The following ASTN2 variants were observed in gnomAD, a reference collection of about 807,000 sequenced individuals.
The protein encoded by ASTN2 is astrotactin 2.
A neutral mutation model predicts 139.8 loss-of-function variants in ASTN2; 54 were observed. The observed-to-expected ratio is 0.39, with a 90% CI of 0.31 to 0.48. The LOEUF (loss-of-function observed/expected upper bound fraction) is 0.48, where lower values mean the gene tolerates loss of function less well. ASTN2 is among the 20% of genes least tolerant of loss of function. ASTN2 has a pLI of 0.95. For synonymous variants in ASTN2, 756 were observed against 719.5 expected, an observed-to-expected ratio of 1.05 and a Z score of -0.81; for missense variants, 1,565 against 1,725.1, an observed-to-expected ratio of 0.91 and a Z score of 1.64.
intron 2 of ASTN2, among the ~76,000 whole-genome samples, chr9:117,224,440 T>A (rs1179530144): frequency 3.3e-5 from 5 of 151,886 alleles, no homozygotes; most frequent in Admixed American, 3.3e-4. Flanking sequence ...CTACTTCCCC[T>A]CCACTATACA....
chr9:117,350,309 G>A (rs1053821628), intron 1 of ASTN2, among the ~76,000 whole-genome samples: 2 of 152,128 alleles, frequency 1.3e-5, no homozygotes, highest in Admixed American at 6.5e-5. Flanking sequence ...AGCACTTTGG[G>A]AGGCCGAGGT....
chr9:116,443,502 A>G (rs1304542716), intron 20 of ASTN2, among the ~76,000 whole-genome samples: 1 of 152,162 alleles, frequency 6.6e-6, no homozygotes. Context: ...CTTAGAAGGA[A>G]AGAACAGGTA....
chr9:117,194,235 C>T (rs897775350), intron 3 of ASTN2, among the ~76,000 whole-genome samples: 1 of 152,110 alleles, frequency 6.6e-6, no homozygotes, highest in Non-Finnish European at 1.5e-5. Context: ...CAAACTGAAG[C>T]CCTTGAATTA....
In ASTN2 at chr9:117,144,050, A is replaced by G. The variant is rs142247572; in HGVS notation, c.1016-2572T>C. On this transcript the variant is annotated intron_variant, in intron 3 of 22. Transcript: ENST00000313400. ...TTAGCAGGTAATTAAGGTTAGATGA[A>G]GTCATAAGAGTGGGATCCCAATCTG... 4.3e-3 allele frequency among the ~76,000 whole-genome samples: 660 copies of G among 152,230 alleles called. 3 individuals are homozygous for G. The highest frequency in any genetic ancestry group is 0.015 in the African/African-American group (616 of 41,542).
chr9:116,708,784 G>A (rs1828062976), intron 16 of ASTN2, among the ~76,000 whole-genome samples: 1 of 152,296 alleles, frequency 6.6e-6, no homozygotes, highest in Middle Eastern at 3.4e-3. Context: ...TCTATTTTGA[G>A]TTCTGGAGAC....
At chr9:117,225,574 T>TATATATATATATATATACAC (rs371374987) in intron 2 of ASTN2, among the ~76,000 whole-genome samples, 8 of 77,978 alleles carry the variant, frequency 1.0e-4, no homozygotes, top group African/African-American at 1.7e-4. Context: ...TATATATATA[T>TATATATATATATATATACAC]ACAGATGAAC....
intron 19 of ASTN2, among the ~76,000 whole-genome samples, chr9:116,515,941 C>T (rs1183805649): frequency 2.6e-5 from 4 of 152,168 alleles, no homozygotes; most frequent in Non-Finnish European, 5.9e-5. Context: ...ACTAGAGTTA[C>T]TAATTCATTA....
At chr9:116,623,437 C>G (rs886698425) in intron 17 of ASTN2, among the ~76,000 whole-genome samples, 1 of 152,134 alleles carries the variant, frequency 6.6e-6, no homozygotes, top group African/African-American at 2.4e-5. Context: ...CAGCATCAAA[C>G]AGGGAGTCCT....
At chr9:117,217,313 T>C (rs1000779138) in intron 2 of ASTN2, among the ~76,000 whole-genome samples, 4 of 152,148 alleles carry the variant, frequency 2.6e-5, no homozygotes, top group Non-Finnish European at 4.4e-5. Flanking sequence ...GGGCATTTCA[T>C]TCAGTGAGAG....
chr9:116,718,961 T>C (rs1440429071), intron 16 of ASTN2, among the ~76,000 whole-genome samples: 2 of 125,100 alleles, frequency 1.6e-5, no homozygotes, highest in Non-Finnish European at 3.3e-5. Flanking sequence ...TACATATCTA[T>C]ACCTGTATCT....
At chr9:117,108,260 T>G (rs1370763011) in intron 4 of ASTN2, among the ~76,000 whole-genome samples, 1 of 152,158 alleles carries the variant, frequency 6.6e-6, no homozygotes, top group East Asian at 1.9e-4. Flanking sequence ...TTTAAGACAC[T>G]GACATTCATG....
At chr9:116,638,146 C>A (rs1261483421) in intron 17 of ASTN2, among the ~76,000 whole-genome samples, 3 of 151,820 alleles carry the variant, frequency 2.0e-5, no homozygotes, top group Non-Finnish European at 2.9e-5. Flanking sequence ...CTGTTGTGAT[C>A]AAAAAATAAA....
rs1827955031 is a variant in ASTN2, at chr9:116,704,987, T to C, written c.2806+20784A>G. 2.6e-5 allele frequency among the ~76,000 whole-genome samples: 4 copies of C among 152,212 alleles called. No individual in the cohort carries two copies. The South Asian group carries it at 6.2e-4, about 24-fold the overall frequency. ...CCTTAGAAACATGCATGTTTAGCTATTTCTTTAGATGGCTAGCTTCAAAGA... is the reference window on the plus strand; with the variant it reads ...CCTTAGAAACATGCATGTTTAGCTACTTCTTTAGATGGCTAGCTTCAAAGA... On this transcript the variant is annotated intron_variant, in intron 16 of 22. Coordinates refer to ENST00000313400, the MANE Select transcript of ASTN2 (RefSeq NM_001365068.1).
chr9:117,334,395 C>T (rs1330622728), intron 1 of ASTN2, among the ~76,000 whole-genome samples: 3 of 152,052 alleles, frequency 2.0e-5, no homozygotes, highest in African/African-American at 7.2e-5. Context: ...ACATCAGCCA[C>T]ACCTTGAGAC....
intron 20 of ASTN2, among the ~76,000 whole-genome samples, chr9:116,474,441 G>A (rs947606108): frequency 1.3e-5 from 2 of 152,198 alleles, no homozygotes; most frequent in Non-Finnish European, 2.9e-5. Flanking sequence ...TTGGAGGAAA[G>A]GAGAACAGAG....
chr9:117,283,425 GA>G (rs141288093), intron 2 of ASTN2, among the ~76,000 whole-genome samples: 2 of 150,918 alleles, frequency 1.3e-5, no homozygotes, highest in East Asian at 3.9e-4. Context: ...CTACTTTCTG[GA>G]AAAAAAAACG....
At chr9:116,686,631 C>T in intron 16 of ASTN2, 1 of 1,473,380 alleles carries the variant, frequency 6.8e-7, no homozygotes, top group Non-Finnish European at 9.3e-7. Context: ...CAGATCACCT[C>T]CCACCTGGTA....
Position 117,324,824 on chromosome 9 carries a change from G to A in ASTN2, c.443-33311C>T, listed in dbSNP as rs1587948301. Reference sequence around the variant, plus strand: ...CTGGAATTTCTCCTGATATCCATGGGTAGCCACTGCAGAGATTTAAACAGT... The same window carrying A: ...CTGGAATTTCTCCTGATATCCATGGATAGCCACTGCAGAGATTTAAACAGT... On this transcript the variant is annotated intron_variant, in intron 1 of 22. Transcript: ENST00000313400. Among the ~76,000 whole-genome samples, 2 of 152,122 alleles carry A rather than the reference G, an allele frequency of 1.3e-5. 1 individual carries two copies. The highest frequency in any genetic ancestry group is 1.3e-4 in the Admixed American group (2 of 15,274).
At chr9:117,129,905 T>C (rs1829788330) in intron 4 of ASTN2, among the ~76,000 whole-genome samples, 2 of 152,326 alleles carry the variant, frequency 1.3e-5, no homozygotes, top group South Asian at 4.1e-4. Flanking sequence ...TTGATTAGTA[T>C]TCACAAAATA....
Sources: allele counts gnomAD v4.1 joint callset (sites outside exome capture counted in the v4.1 genomes callset), GRCh38; gene constraint gnomAD v4.1.1; transcripts MANE v1.5; gene names NCBI Gene and HGNC (gene_info 2026-07-23, HGNC 2026-07-21).